Variants in PDS5A observed in about 807,000 individuals in gnomAD.
The protein encoded by PDS5A is sister chromatid cohesion protein PDS5 homolog A.
Under a neutral mutation model 167.1 loss-of-function variants are expected in PDS5A, and 42 were observed. The ratio of observed to expected loss-of-function variants is 0.25; its 90% CI spans 0.20 to 0.33. The LOEUF (loss-of-function observed/expected upper bound fraction) is 0.33, where lower values mean the gene tolerates loss of function less well. PDS5A is among the 10% of genes least tolerant of loss of function. The pLI is 1.00. For synonymous variants in PDS5A, 553 were observed against 554.6 expected, an observed-to-expected ratio of 1.00 and a Z score of 0.04; for missense variants, 1,033 against 1,605.9, an observed-to-expected ratio of 0.64 and a Z score of 6.10.
At chr4:39,966,538 C>T (rs757377615) in intron 2 of PDS5A, among the ~76,000 whole-genome samples, 5 of 152,096 alleles carry the variant, frequency 3.3e-5, no homozygotes, top group African/African-American at 9.7e-5. Flanking sequence ...TGGGAAAAAA[C>T]GAGGATACTT....
intron 10 of PDS5A, among the ~76,000 whole-genome samples, chr4:39,909,862 G>T (rs1723745368): frequency 6.6e-6 from 1 of 152,082 alleles, no homozygotes; most frequent in Non-Finnish European, 1.5e-5. Flanking sequence ...TAGACATAAT[G>T]ATTTCTACCC....
intron 32 of PDS5A, among the ~76,000 whole-genome samples, chr4:39,828,444 T>C (rs1026320307): frequency 6.6e-6 from 1 of 152,168 alleles, no homozygotes; most frequent in Non-Finnish European, 1.5e-5. Flanking sequence ...ACCTAATGTT[T>C]TGAGTAAAAA....
At chr4:39,969,004 A>AC (rs1477657576) in intron 2 of PDS5A, among the ~76,000 whole-genome samples, 2 of 152,114 alleles carry the variant, frequency 1.3e-5, no homozygotes, top group African/African-American at 4.8e-5. Context: ...TGAACTCCTG[A>AC]CCTCAGGTGA....
chr4:39,923,137 T>G (rs920898061), intron 5 of PDS5A, among the ~76,000 whole-genome samples: 4 of 151,992 alleles, frequency 2.6e-5, no homozygotes, highest in Non-Finnish European at 4.4e-5. Context: ...AAGACCAGCC[T>G]GGCCAACATG....
intron 4 of PDS5A, among the ~76,000 whole-genome samples, chr4:39,926,144 A>G (rs1204582951): frequency 2.6e-5 from 4 of 152,126 alleles, no homozygotes; most frequent in Non-Finnish European, 5.9e-5. Flanking sequence ...AAAAATACTC[A>G]ATATTTTTAA....
intron 2 of PDS5A, among the ~76,000 whole-genome samples, chr4:39,970,442 TA>T (rs11345890): frequency 0.48 from 68,186 of 142,262 alleles, 15,921 homozygotes; most frequent in East Asian, 0.66. Context: ...CTCAAATGCT[TA>T]AAAAAAAAAA....
At chr4:39,897,886 A>T in intron 16 of PDS5A, 1 of 265,576 alleles carries the variant, frequency 3.8e-6, no homozygotes, top group Non-Finnish European at 5.8e-6. Flanking sequence ...AAAAAAGCTG[A>T]ATAAATGAAT....
chr4:39,906,597 A>C (rs1183545179), intron 11 of PDS5A, among the ~76,000 whole-genome samples: 1 of 151,656 alleles, frequency 6.6e-6, no homozygotes, highest in African/African-American at 2.4e-5. Flanking sequence ...AGTAAAAAAA[A>C]ATCTGTGTAT....
chr4:39,973,706 C>T, intron 2 of PDS5A: 1 of 1,285,010 alleles, frequency 7.8e-7, no homozygotes, highest in South Asian at 1.2e-5. Flanking sequence ...GAGTGCCAGG[C>T]TCACTTCACT....
At position 39,843,039 on chromosome 4, in the gene PDS5A, G is replaced by A. The variant is rs184983219; in HGVS notation, c.3549-983C>T. On this transcript the variant is annotated intron_variant, in intron 30 of 32. Coordinates refer to ENST00000303538, the MANE Select transcript of PDS5A (RefSeq NM_001100399.2). ...TGATCTTCCTGCCTCCGCCTCCTGA[G>A]CTCCCAAGTAGCTGGGACTACAAGT... Among the ~76,000 whole-genome samples the A allele has an allele frequency of 4.2e-3, 636 of 149,922 alleles. 4 individuals carry two copies. The highest frequency in any genetic ancestry group is 0.015 in the African/African-American group (615 of 40,630).
rs376268340 is a variant in PDS5A at position 39,835,988 on chromosome 4, AG to A, written c.4010+1867del. 3.7e-3 allele frequency among the ~76,000 whole-genome samples: 558 copies of A among 152,338 alleles called. 1 individual carries two copies. The highest frequency in any genetic ancestry group is 0.012 in the African/African-American group (502 of 41,564). The stretch of plus-strand genomic sequence containing the variant: ...CGTTCAGAGAATTTTGGCAATCTCC[AG>A]GGAAACGTTCAACTTTTGTATAACT... On this transcript the variant is annotated intron_variant, in intron 32 of 32. Coordinates refer to ENST00000303538, the MANE Select transcript of PDS5A (RefSeq NM_001100399.2).
intron 2 of PDS5A, among the ~76,000 whole-genome samples, chr4:39,965,026 T>C (rs2109814707): frequency 6.6e-6 from 1 of 152,304 alleles, no homozygotes; most frequent in South Asian, 2.1e-4. Context: ...GCTCCTGTGG[T>C]AGACTAATCA....
intron 2 of PDS5A, among the ~76,000 whole-genome samples, chr4:39,966,681 G>T (rs1729993521): frequency 6.6e-6 from 1 of 152,186 alleles, no homozygotes; most frequent in Non-Finnish European, 1.5e-5. Context: ...TCTGAGATCA[G>T]ATAGTTAAGA....
At chr4:39,907,951 A>G (rs1374826570) in intron 11 of PDS5A, among the ~76,000 whole-genome samples, 1 of 152,134 alleles carries the variant, frequency 6.6e-6, no homozygotes, top group African/African-American at 2.4e-5. Context: ...TATAACCATC[A>G]TTATTGTCCT....
intron 2 of PDS5A, among the ~76,000 whole-genome samples, chr4:39,961,540 T>C (rs1174041809): frequency 6.6e-6 from 1 of 152,142 alleles, no homozygotes; most frequent in Non-Finnish European, 1.5e-5. Flanking sequence ...AGATTACAAG[T>C]ATGAGCCACC....
chr4:39,915,343 ATTTTTT>A (rs3070904), intron 8 of PDS5A, among the ~76,000 whole-genome samples: 8 of 88,724 alleles, frequency 9.0e-5, no homozygotes, highest in Admixed American at 4.1e-4. Context: ...AACCGGCCTG[ATTTTTT>A]TTTTTTTTTT....
intron 2 of PDS5A, among the ~76,000 whole-genome samples, chr4:39,943,888 T>G (rs1160049790): frequency 6.6e-6 from 1 of 151,636 alleles, no homozygotes; most frequent in African/African-American, 2.4e-5. Flanking sequence ...CAAAATACAC[T>G]ATTAGTCGGC....
intron 27 of PDS5A, 103 bp from the exon 28 acceptor site, chr4:39,849,073 G>T: frequency 1.2e-6 from 1 of 820,394 alleles, no homozygotes; most frequent in Non-Finnish European, 1.9e-6. Context: ...AGGATACTGT[G>T]GTTGTTATTT....
chr4:39,974,486 G>A, intron 2 of PDS5A: 1 of 272,030 alleles, frequency 3.7e-6, no homozygotes, highest in South Asian at 3.6e-5. Flanking sequence ...ACTTTTAGAA[G>A]CATCAATCAA....
Sources: gnomAD v4.1 joint callset for allele counts (sites outside exome capture counted in the v4.1 genomes callset) on GRCh38, gnomAD v4.1.1 for gene constraint, MANE v1.5 for transcripts, NCBI Gene and HGNC (gene_info 2026-07-23, HGNC 2026-07-21) for gene names.